Variants in COL23A1 observed in about 807,000 individuals in gnomAD.
COL23A1 encodes collagen type XXIII alpha 1 chain.
COL23A1 carries 97 observed loss-of-function variants against 99.3 expected under a neutral mutation model. That is an observed-to-expected ratio of 0.98 (90% CI 0.83 to 1.16). The LOEUF (loss-of-function observed/expected upper bound fraction) is 1.16, where lower values mean the gene tolerates loss of function less well. Among genes scored for constraint, COL23A1 ranks in the 50% most tolerant of loss-of-function variants. The probability of loss-of-function intolerance (pLI) is 0.00; values close to 1 mark genes in which losing one functional copy is unlikely to be tolerated. For synonymous variants in COL23A1, 320 were observed against 308.2 expected (o/e 1.04, Z -0.40); for missense variants, 762 against 757.4 (o/e 1.01, Z -0.07).
intron 14 of COL23A1, 29 bp from the exon 15 acceptor site, chr5:178,256,426 G>A (rs547102594): frequency 5.6e-6 from 9 of 1,594,802 alleles, no homozygotes; most frequent in South Asian, 2.2e-5. Context: ...GCAGCCAGAG[G>A]TGCAGCTGTG....
intron 2 of COL23A1, among the ~76,000 whole-genome samples, chr5:178,327,836 C>T (rs539089339): frequency 9.2e-5 from 14 of 152,268 alleles, no homozygotes; most frequent in East Asian, 3.9e-4. Flanking sequence ...ACTCTCCCTG[C>T]GCCCCACACA....
chr5:178,260,746 A>G (rs1403818749), intron 11 of COL23A1, among the ~76,000 whole-genome samples: 1 of 152,206 alleles, frequency 6.6e-6, no homozygotes, highest in African/African-American at 2.4e-5. Context: ...GTGGGCTGAG[A>G]TTGTGCCATT....
chr5:178,323,128 C>A (rs1451075943), intron 2 of COL23A1, among the ~76,000 whole-genome samples: 5 of 151,960 alleles, frequency 3.3e-5, no homozygotes, highest in Non-Finnish European at 7.4e-5. Context: ...GCAGAAGGGG[C>A]TCCTGAGCCT....
chr5:178,331,325 G>A (rs763831254), intron 2 of COL23A1, among the ~76,000 whole-genome samples: 1 of 152,248 alleles, frequency 6.6e-6, no homozygotes, highest in Non-Finnish European at 1.5e-5. Context: ...GTCATGGAAG[G>A]TGGAGGCTTT....
At chr5:178,256,809 C>G (rs1765323818) in intron 14 of COL23A1, 57 bp downstream of exon 14, 6 of 1,534,708 alleles carry the variant, frequency 3.9e-6, no homozygotes, top group Non-Finnish European at 4.4e-6. Context: ...CCACTCCCGA[C>G]TGGGTGGAGG....
chr5:178,386,599 GGTGA>G (rs1304658252), intron 2 of COL23A1, among the ~76,000 whole-genome samples: 1 of 152,104 alleles, frequency 6.6e-6, no homozygotes, highest in African/African-American at 2.4e-5. Context: ...GGTCGGGGTG[GGTGA>G]GTGTTTGATA....
rs1425268437 is a variant in COL23A1 at position 178,280,828 on chromosome 5, T to C, written c.441+7496A>G. On this transcript the variant is annotated intron_variant, in intron 5 of 28. Coordinates refer to ENST00000390654, the MANE Select transcript of COL23A1 (RefSeq NM_173465.4). This position sits in a 1 kb window ranked among gnomAD's most constrained non-coding sequence, Gnocchi z 4.9. ...TGTGGACAGGAGGTACCTGGGCTGC[T>C]GCCAGGAGGATGCAAAAAACTGCAG... 6.6e-6 allele frequency among the ~76,000 whole-genome samples: 1 copy of C among 152,314 alleles called. No individual in the cohort carries two copies. The highest frequency in any genetic ancestry group is 3.4e-3 in the Middle Eastern group (1 of 294).
At chr5:178,530,209 C>T (rs1352802200) in intron 2 of COL23A1, among the ~76,000 whole-genome samples, 1 of 152,118 alleles carries the variant, frequency 6.6e-6, no homozygotes, top group Non-Finnish European at 1.5e-5. Context: ...ACCTATAATC[C>T]CAGCACTTTG....
At chr5:178,324,367 C>T (rs1346800217) in intron 2 of COL23A1, among the ~76,000 whole-genome samples, 2 of 152,078 alleles carry the variant, frequency 1.3e-5, no homozygotes, top group Admixed American at 6.5e-5. Flanking sequence ...TGCTTTTCAC[C>T]GTGCTGTGTT....
chr5:178,247,541 TCCCTGGAGG>T lies in COL23A1; in HGVS notation c.1272_1280del (p.Leu425_Gly427del). 6.2e-6 allele frequency: 10 copies of T among 1,614,042 alleles called. No individual in the cohort carries two copies. The highest frequency in any genetic ancestry group is 8.5e-6 in the Non-Finnish European group (10 of 1,179,964). On this transcript the variant is annotated inframe_deletion and splice_region_variant, in exon 22 of 29. Coordinates refer to ENST00000390654, the MANE Select transcript of COL23A1 (RefSeq NM_173465.4). ...GCCCACTCACCTTGGGACCCTGGAT[TCCCTGGAGG>T]CCCTGCAGGAGGAGGAAGCAGATAA...
intron 2 of COL23A1, among the ~76,000 whole-genome samples, chr5:178,494,328 G>A (rs954363012): frequency 6.6e-6 from 1 of 152,218 alleles, no homozygotes; most frequent in Non-Finnish European, 1.5e-5. Flanking sequence ...AAGGTGAGCA[G>A]AGACTGGCCC....
In COL23A1 at chr5:178,238,610, GA is replaced by G; in HGVS notation, c.*87del. ...AAAGGCCACAGGTAGCGCATTCCAT[GA>G]AAAAAGATCAATATATTACTGTTTT... On this transcript the variant is annotated 3_prime_UTR_variant, in exon 29 of 29. Transcript: ENST00000390654. The G allele has an allele frequency of 2.6e-6, 4 of 1,545,088 alleles. No individual in the cohort carries two copies. The highest frequency in any genetic ancestry group is 3.6e-6 in the Non-Finnish European group (4 of 1,120,740).
intron 2 of COL23A1, among the ~76,000 whole-genome samples, chr5:178,537,955 C>A (rs1040313227): frequency 5.9e-5 from 9 of 152,232 alleles, no homozygotes; most frequent in Non-Finnish European, 8.8e-5. Flanking sequence ...ACCCCAGGTA[C>A]CTCCTATGAG....
chr5:178,455,816 G>A (rs1163887307), intron 2 of COL23A1, among the ~76,000 whole-genome samples: 4 of 151,822 alleles, frequency 2.6e-5, no homozygotes, highest in African/African-American at 7.3e-5. Flanking sequence ...CCCTCAGCTC[G>A]CCCGCCCATC....
rs1350462463 is a variant in COL23A1, at chr5:178,249,225, A to T, written c.1060-19T>A. 1.1e-5 allele frequency: 18 copies of T among 1,612,264 alleles called. No individual in the cohort carries two copies. The highest frequency in any genetic ancestry group is 1.4e-5 in the Non-Finnish European group (16 of 1,178,388). ...TGGGGCCCTGAAAGCCATAAGCACAAGGGATGAGTGGGGCTCAGGAGGTCC... is the reference window on the plus strand; with the variant it reads ...TGGGGCCCTGAAAGCCATAAGCACATGGGATGAGTGGGGCTCAGGAGGTCC... On this transcript the variant is annotated intron_variant, in intron 18 of 28. Coordinates refer to ENST00000390654, the MANE Select transcript of COL23A1 (RefSeq NM_173465.4).
chr5:178,520,424 C>G (rs78826459), intron 2 of COL23A1, among the ~76,000 whole-genome samples: 1 of 152,058 alleles, frequency 6.6e-6, no homozygotes. Context: ...AGAACTGATA[C>G]GGAAGCTACT....
intron 5 of COL23A1, among the ~76,000 whole-genome samples, chr5:178,285,781 T>G (rs1017214018): frequency 6.6e-6 from 1 of 152,226 alleles, no homozygotes; most frequent in African/African-American, 2.4e-5. Context: ...GCCTCTGGGA[T>G]GACCACATGG....
chr5:178,270,223 CTG>C, intron 6 of COL23A1, 112 bp downstream of exon 6: 2 of 1,260,404 alleles, frequency 1.6e-6, no homozygotes, highest in Non-Finnish European at 2.3e-6. Context: ...AGGCTTCTCT[CTG>C]TGCTGAACCA....
intron 2 of COL23A1, among the ~76,000 whole-genome samples, chr5:178,444,946 CA>C (rs1263128822): frequency 1.3e-5 from 2 of 152,208 alleles, no homozygotes; most frequent in Non-Finnish European, 2.9e-5. Flanking sequence ...AATGTATACA[CA>C]GCACTTAGTA....
Sources: gnomAD v4.1 joint callset for allele counts (sites outside exome capture counted in the v4.1 genomes callset) on GRCh38, gnomAD v4.1.1 for gene constraint, Gnocchi (gnomAD v3.1) non-coding constraint, MANE v1.5 for transcripts, NCBI Gene and HGNC (gene_info 2026-07-23, HGNC 2026-07-21) for gene names.